APLP1: variants seen among roughly 807,000 people sequenced by gnomAD.
APLP1 encodes amyloid beta (A4) precursor-like protein 1.
APLP1 carries 46 observed loss-of-function variants against 84.5 expected under a neutral mutation model. The ratio of observed to expected loss-of-function variants is 0.54; its 90% CI spans 0.43 to 0.70. APLP1 has a LOEUF of 0.70. Ranked by LOEUF, APLP1 falls within the 30% of genes least tolerant of loss-of-function variation. The pLI is 0.00. For missense variants in APLP1, 826 were observed against 900.2 expected (o/e 0.92, Z 1.05); for synonymous variants, 376 against 364.0 (o/e 1.03, Z -0.38).
chr19:35,871,782 T>C, intron 5 of APLP1, 37 bp downstream of exon 5: 1 of 1,613,672 alleles, frequency 6.2e-7, no homozygotes, highest in Non-Finnish European at 8.5e-7. Context: ...CATCTCAAGG[T>C]TCCTGAGGCA....
chr19:35,873,019 C>T (rs149180553), intron 7 of APLP1, among the ~76,000 whole-genome samples: 2,689 of 152,096 alleles, frequency 0.018, 92 homozygotes, highest in African/African-American at 0.062. Flanking sequence ...ACCACCACGC[C>T]CGGCTAATTT....
intron 2 of APLP1, chr19:35,870,691 G>A: frequency 1.6e-6 from 1 of 623,024 alleles, no homozygotes; most frequent in South Asian, 2.2e-5. Context: ...GGCTGAGACA[G>A]GAGAATCGCT....
intron 1 of APLP1, chr19:35,869,311 C>A: frequency 1.9e-6 from 1 of 532,276 alleles, no homozygotes; most frequent in Non-Finnish European, 3.3e-6. Flanking sequence ...GGAGCCTGAG[C>A]AAGGGATGGA....
intron 11 of APLP1, 69 bp downstream of exon 11, chr19:35,876,685 C>G: frequency 7.9e-7 from 1 of 1,273,050 alleles, no homozygotes; most frequent in Non-Finnish European, 1.1e-6. Context: ...AAATGTTGGG[C>G]CCCCCCAATT....
rs765019201 is a variant in APLP1 at position 35,874,899 on chromosome 19, G to C, written c.1344+30G>C. 3.7e-6 allele frequency: 6 copies of C among 1,600,062 alleles called. No individual in the cohort carries two copies. In the East Asian group the frequency reaches 1.3e-4, roughly 36 times the overall value. On this transcript the variant is annotated intron_variant, in intron 10 of 16. Transcript: ENST00000221891. This position sits in a 1 kb window ranked among gnomAD's most constrained non-coding sequence, Gnocchi z 6.4. Reference sequence around the variant, plus strand: ...TCACATCCTTCCAGCTCCCAAATGCGCCGCTATTCCTCAGACGCCCGCGCC... The same window carrying C: ...TCACATCCTTCCAGCTCCCAAATGCCCCGCTATTCCTCAGACGCCCGCGCC...
chr19:35,878,418 T>C, intron 13 of APLP1, 166 bp from the exon 14 acceptor site: 1 of 692,682 alleles, frequency 1.4e-6, no homozygotes, highest in Non-Finnish European at 2.5e-6. Context: ...TGGTGGGGCA[T>C]GTCTGTAGTC....
rs143775875 is a variant in APLP1 at position 35,875,914 on chromosome 19, C to T, written c.1345-603C>T. Among the ~76,000 whole-genome samples the T allele has an allele frequency of 8.3e-4, 126 of 151,050 alleles. 3 individuals carry two copies. In the South Asian group the frequency reaches 0.024, roughly 28 times the overall value. On this transcript the variant is annotated intron_variant, in intron 10 of 16. Transcript: ENST00000221891. The stretch of plus-strand genomic sequence containing the variant: ...GATTACAGGCGTGAGCCACCATGCC[C>T]GGCCAGAAACCCCAATAACTTGCAC...
At chr19:35,879,312 C>CA in intron 16 of APLP1, 31 bp from the exon 17 acceptor site, 2 of 1,612,938 alleles carry the variant, frequency 1.2e-6, no homozygotes, top group South Asian at 2.2e-5. Flanking sequence ...CCCCGCACCA[C>CA]ACTGTCCTTT....
At position 35,868,756 on chromosome 19, in the gene APLP1, G is replaced by C; in HGVS notation, c.120G>C (p.Leu40=). The change falls in exon 1 of 17, where the codon CTG becomes CTC. Residue 40 remains leucine (L), a synonymous_variant. Coordinates refer to ENST00000221891, the MANE Select transcript of APLP1 (RefSeq NM_001024807.3). This position sits in a 1 kb window ranked among gnomAD's most constrained non-coding sequence, Gnocchi z 5.2. ...LLRAQPAIGS[L]AGGSPGAAEA... Reference sequence around the variant, plus strand: ...GCGCGCAGCCCGCCATCGGGAGCCTGGCCGGTGGGAGCCCCGGCGCGGCCG... The same window carrying C: ...GCGCGCAGCCCGCCATCGGGAGCCTCGCCGGTGGGAGCCCCGGCGCGGCCG... 1 of 1,351,436 alleles carries C rather than the reference G, an allele frequency of 7.4e-7. No homozygotes were observed. Among genetic ancestry groups the C allele is most frequent in the Non-Finnish European group, 9.5e-7 (1 of 1,055,008 alleles). The allele number at this position is 1,351,436 out of a possible 1,614,324, so 83.7% of individuals were successfully genotyped here. A position where few individuals can be genotyped will look rare whatever the true frequency, so the allele number is the denominator to read the frequency against.
At chr19:35,869,895 A>G in intron 2 of APLP1, 85 bp downstream of exon 2, 2 of 1,500,312 alleles carry the variant, frequency 1.3e-6, no homozygotes, top group South Asian at 2.5e-5. Flanking sequence ...TGCGCGATCT[A>G]AGGCGTGGAG....
rs750056359 is a variant in APLP1 at position 35,876,554 on chromosome 19, A to G, written c.1382A>G (p.Asn461Ser). Residue 461 changes from asparagine (N) to serine (S), a missense_variant, in exon 11 of 17, where the codon AAT (asparagine) becomes AGT (serine). By Grantham distance (46) the Asn-to-Ser change is conservative (BLOSUM62 1). Coordinates refer to ENST00000221891, the MANE Select transcript of APLP1 (RefSeq NM_001024807.3). ...CTTCAAGTGATTGAGGAGAGGGTGA[A>G]TCAGAGCCTGGGCCTGCTTGACCAG... ...THLQVIEERV[N>S]QSLGLLDQNP... The G allele has an allele frequency of 1.2e-6, 2 of 1,613,758 alleles. No homozygotes were observed. Among genetic ancestry groups the G allele is most frequent in the East Asian group, 2.2e-5 (1 of 44,820 alleles).
At position 35,877,815 on chromosome 19, in the gene APLP1, T is replaced by G. The variant is rs1200610706; in HGVS notation, c.1542T>G (p.Asp514Glu). 1 of 1,609,390 alleles carries G rather than the reference T, an allele frequency of 6.2e-7. No homozygotes were observed. Among genetic ancestry groups the G allele is most frequent in the African/African-American group, 1.3e-5 (1 of 74,546 alleles). Reference protein sequence around the residue: ...SEDKGGLQPPDSKDADTPMTL... With the variant: ...SEDKGGLQPPESKDADTPMTL... The stretch of plus-strand genomic sequence containing the variant: ...ACAAGGGTGGGCTGCAGCCTCCAGA[T>G]TCCAAGGATGGTGAGTGAGCCCACA... Residue 514 changes from aspartate (D) to glutamate (E), a missense_variant, in exon 12 of 17, where the codon GAT (aspartate) becomes GAG (glutamate). Asp to Glu is a conservative substitution (Grantham distance 45, BLOSUM62 2). Transcript: ENST00000221891.
intron 1 of APLP1, chr19:35,869,464 C>G (rs186201527): frequency 1.4e-6 from 1 of 719,662 alleles, no homozygotes; most frequent in African/African-American, 1.8e-5. Flanking sequence ...CCGGGGGACC[C>G]AGGTCGCCAT....
At position 35,871,398 on chromosome 19, in the gene APLP1, G is replaced by A. The variant is rs1974143463; in HGVS notation, c.537+49G>A. The A allele has an allele frequency of 3.3e-6, 5 of 1,523,566 alleles. No individual in the cohort carries two copies. The East Asian group carries it at 7.2e-5, about 22-fold the overall frequency. 94.4% of individuals were successfully genotyped at this position (1,523,566 alleles called of 1,614,324 possible). Reference sequence around the variant, plus strand: ...CCCAGCCCCCACAACCCAGGAACTGGGACCTCTAACACCCTCCGCCACCAG... The same window carrying A: ...CCCAGCCCCCACAACCCAGGAACTGAGACCTCTAACACCCTCCGCCACCAG... On this transcript the variant is annotated intron_variant, in intron 4 of 16. Coordinates refer to ENST00000221891, the MANE Select transcript of APLP1 (RefSeq NM_001024807.3).
rs749028660 is a variant in APLP1 at position 35,870,876 on chromosome 19, C to T, written c.292-20C>T. ...CAGGGGCGGGGCAGTGGGCTGATTGCCCCCATCTGATCCCCCCAGATGTAC... is the reference window on the plus strand; with the variant it reads ...CAGGGGCGGGGCAGTGGGCTGATTGTCCCCATCTGATCCCCCCAGATGTAC... On this transcript the variant is annotated intron_variant, in intron 2 of 16. Coordinates refer to ENST00000221891, the MANE Select transcript of APLP1 (RefSeq NM_001024807.3). 1.3e-6 allele frequency: 2 copies of T among 1,597,710 alleles called. No homozygotes were observed. The highest frequency in any genetic ancestry group is 1.7e-6 in the Non-Finnish European group (2 of 1,173,404).
chr19:35,874,381 C>T lies in APLP1; in HGVS notation c.1057-123C>T. ...CCCTTCCAGTCCATAACCTTTGGTT[C>T]TGCCCAGGCCTGGACCCCTGGAACG... On this transcript the variant is annotated intron_variant, in intron 8 of 16. Transcript: ENST00000221891. The surrounding 1 kb of genome is among the most constrained non-coding windows in gnomAD (Gnocchi z 6.4). 2 of 1,222,632 alleles carry T rather than the reference C, an allele frequency of 1.6e-6. No homozygotes were observed. Among genetic ancestry groups the T allele is most frequent in the Non-Finnish European group, 2.3e-6 (2 of 862,506 alleles). 75.7% of individuals were successfully genotyped at this position (1,222,632 alleles called of 1,614,324 possible). A position where few individuals can be genotyped will look rare whatever the true frequency, so the allele number is the denominator to read the frequency against.
intron 14 of APLP1, 60 bp downstream of exon 14, chr19:35,878,714 G>C (rs1435930194): frequency 6.3e-7 from 1 of 1,594,370 alleles, no homozygotes; most frequent in Non-Finnish European, 8.6e-7. Context: ...TATATGGCTG[G>C]GTACGAGGGA....
chr19:35,872,156 A>C, intron 6 of APLP1, 120 bp downstream of exon 6: 1 of 1,252,276 alleles, frequency 8.0e-7, no homozygotes, highest in Non-Finnish European at 1.1e-6. Flanking sequence ...CTGAGGAGAA[A>C]AGACGAGAGT....
rs770492534 is a variant in APLP1 at position 35,869,710 on chromosome 19, C to T, written c.191C>T (p.Thr64Ile). The T allele has an allele frequency of 3.1e-6, 5 of 1,611,918 alleles. No homozygotes were observed. The highest frequency in any genetic ancestry group is 4.2e-6 in the Non-Finnish European group (5 of 1,179,588). ...GTGGCTGGACTATGCGGGCGCCTAA[C>T]CCTTCACCGGGACCTGCGCACCGGC... is the stretch of plus-strand genomic sequence containing the variant. ...AQVAGLCGRL[T>I]LHRDLRTGRW... is the part of the protein sequence containing the mutation. The change falls in exon 2 of 17, where the codon ACC (threonine) becomes ATC (isoleucine). Residue 64 changes from threonine (T) to isoleucine (I), a missense_variant. Around this residue, in one of 3 missense-constraint regions of APLP1, gnomAD observed 383 missense variants for 378.3 expected, o/e 1.01. Transcript: ENST00000221891.
Sources: allele counts gnomAD v4.1 joint callset (sites outside exome capture counted in the v4.1 genomes callset), GRCh38; gene constraint gnomAD v4.1.1; regional missense constraint gnomAD v4.1.1; non-coding constraint Gnocchi (gnomAD v3.1); transcripts MANE v1.5; gene names NCBI Gene and HGNC (gene_info 2026-07-23, HGNC 2026-07-21).